Variants in ADGRE5 observed in about 807,000 individuals in gnomAD.
The protein encoded by ADGRE5 is adhesion G protein-coupled receptor E5.
Under a neutral mutation model 100.3 loss-of-function variants are expected in ADGRE5, and 72 were observed. That is an observed-to-expected ratio of 0.72 (90% CI 0.59 to 0.87). The LOEUF is 0.87. ADGRE5 is among the 40% of genes least tolerant of loss of function. The probability of loss-of-function intolerance (pLI) is 0.00; values close to 1 mark genes in which losing one functional copy is unlikely to be tolerated. For missense variants in ADGRE5, 959 were observed against 1,094.7 expected (o/e 0.88, Z 1.75); for synonymous variants, 439 against 447.8 (o/e 0.98, Z 0.25).
rs1427515608 is a variant in ADGRE5 at position 14,406,351 on chromosome 19, G to A, written c.1842G>A (p.Leu614=). The A allele has an allele frequency of 6.3e-7, 1 of 1,575,024 alleles. No individual in the cohort carries two copies. ...EGGQVGLRCR[L]VAGLLHYCFL... is the part of the protein sequence containing the mutation. The stretch of plus-strand genomic sequence containing the variant: ...CGCAGGTGGGGCTGCGCTGCCGCCT[G>A]GTGGCCGGGCTGCTGCACTACTGTT... Residue 614 remains leucine, a synonymous_variant, in exon 15 of 20, where the codon CTG becomes CTA. Coordinates refer to ENST00000242786, the MANE Select transcript of ADGRE5 (RefSeq NM_078481.4). The surrounding 1 kb of genome is among the most constrained non-coding windows in gnomAD (Gnocchi z 6.0).
rs764605166 is a variant in ADGRE5, at chr19:14,399,563, C to CAAAAAA, written c.897+1450_897+1455dup. ...TGGGCGACAGAGCGAGACTCCGTCTCAAAAAAAAAAAAAAAAAAAAAAAAA... is the reference window on the plus strand; with the variant it reads ...TGGGCGACAGAGCGAGACTCCGTCTCAAAAAAAAAAAAAAAAAAAAAAAAAAAAAAA... On this transcript the variant is annotated intron_variant, in intron 9 of 19. Coordinates refer to ENST00000242786, the MANE Select transcript of ADGRE5 (RefSeq NM_078481.4). Among the ~76,000 whole-genome samples the CAAAAAA allele has an allele frequency of 7.5e-4, 24 of 31,852 alleles. 1 individual carries two copies. Among genetic ancestry groups the CAAAAAA allele is most frequent in the African/African-American group, 1.2e-3 (12 of 10,194 alleles). The allele number at this position is 31,852 out of a possible 152,430, so 20.9% of individuals were successfully genotyped here. A position where few individuals can be genotyped will look rare whatever the true frequency, so the allele number is the denominator to read the frequency against.
intron 18 of ADGRE5, 144 bp downstream of exon 18, chr19:14,407,373 T>C (rs1254111378): frequency 1.6e-5 from 15 of 948,426 alleles, no homozygotes; most frequent in Middle Eastern, 3.3e-4. Context: ...AATTCAAAGA[T>C]AGCCAGGGTG....
chr19:14,391,324 G>A, intron 4 of ADGRE5: 1 of 555,824 alleles, frequency 1.8e-6, no homozygotes, highest in Non-Finnish European at 3.2e-6. Flanking sequence ...ACGTTGGCCA[G>A]GATACTTATT....
chr19:14,399,734 T>C (rs1211046194), intron 9 of ADGRE5, among the ~76,000 whole-genome samples: 1 of 144,210 alleles, frequency 6.9e-6, no homozygotes, highest in Non-Finnish European at 1.5e-5. Context: ...AAGAGTAAGA[T>C]TTTGTCTTAA....
intron 1 of ADGRE5, 33 bp from the exon 2 acceptor site, chr19:14,388,417 C>G: frequency 6.6e-7 from 1 of 1,503,992 alleles, no homozygotes; most frequent in African/African-American, 1.4e-5. Context: ...ACCCTGGGAT[C>G]CCCTCTGACC....
chr19:14,393,187 C>T (rs771743707), intron 4 of ADGRE5, among the ~76,000 whole-genome samples: 2 of 141,386 alleles, frequency 1.4e-5, no homozygotes, highest in Admixed American at 7.3e-5. Flanking sequence ...GGCAACAGAG[C>T]GAGACTCCAT....
chr19:14,400,443 C>T (rs554775830), intron 9 of ADGRE5, among the ~76,000 whole-genome samples: 53 of 152,216 alleles, frequency 3.5e-4, no homozygotes, highest in South Asian at 1.7e-3. Flanking sequence ...CGTGCACCAC[C>T]GTGCCTGTTG....
intron 11 of ADGRE5, among the ~76,000 whole-genome samples, chr19:14,402,194 G>A (rs1251145346): frequency 6.6e-6 from 1 of 151,628 alleles, no homozygotes; most frequent in Non-Finnish European, 1.5e-5. Flanking sequence ...TAGCACTTTG[G>A]CAGGCTGAGG....
chr19:14,382,392 A>C (rs2063924283), intron 1 of ADGRE5, among the ~76,000 whole-genome samples: 1 of 152,156 alleles, frequency 6.6e-6, no homozygotes. Flanking sequence ...TGGCTTCCCA[A>C]GGGTTCCACG....
At chr19:14,385,550 A>T (rs1336142653) in intron 1 of ADGRE5, among the ~76,000 whole-genome samples, 1 of 151,556 alleles carries the variant, frequency 6.6e-6, no homozygotes. Context: ...GGGAGGGGGA[A>T]CCCCCTGAGT....
Position 14,396,459 on chromosome 19 carries a change from C to T in ADGRE5, c.464C>T (p.Pro155Leu), listed in dbSNP as rs370160434. The T allele has an allele frequency of 8.5e-5, 138 of 1,614,154 alleles. No individual in the cohort carries two copies. Among genetic ancestry groups the T allele is most frequent in the Middle Eastern group, 3.3e-4 (2 of 6,084 alleles). Residue 155 changes from proline to leucine, a missense_variant, in exon 5 of 20, where the codon CCG becomes CTG. By Grantham distance (98) the Pro-to-Leu change is moderately conservative. Coordinates refer to ENST00000242786, the MANE Select transcript of ADGRE5 (RefSeq NM_078481.4). ...LPGFKFIPEDPKVCTDVNECT... is the reference protein window; with the variant it reads ...LPGFKFIPEDLKVCTDVNECT... The stretch of plus-strand genomic sequence containing the variant: ...GGCTTCAAGTTCATACCTGAGGATC[C>T]GAAGGTCTGCACAGGTAGAGGCCCC...
At chr19:14,388,040 C>A (rs1253708068) in intron 1 of ADGRE5, among the ~76,000 whole-genome samples, 1 of 151,900 alleles carries the variant, frequency 6.6e-6, no homozygotes, top group South Asian at 2.1e-4. Context: ...CACAGCATTG[C>A]ACTTCAGCCT....
intron 12 of ADGRE5, among the ~76,000 whole-genome samples, chr19:14,403,864 C>CTTTTT (rs58411522): frequency 1.1e-4 from 8 of 74,298 alleles, no homozygotes; most frequent in Non-Finnish European, 1.8e-4. Flanking sequence ...GCCTCTCCCA[C>CTTTTT]TTTTTTTTTT....
intron 9 of ADGRE5, among the ~76,000 whole-genome samples, chr19:14,399,268 T>C (rs1185033559): frequency 6.6e-6 from 1 of 151,312 alleles, no homozygotes; most frequent in Admixed American, 6.6e-5. Flanking sequence ...AAGCCTTATA[T>C]AAAAGCTTTC....
chr19:14,384,894 T>C (rs915682261), intron 1 of ADGRE5, among the ~76,000 whole-genome samples: 4 of 151,320 alleles, frequency 2.6e-5, no homozygotes, highest in African/African-American at 9.7e-5. Context: ...TCCCTCTCTC[T>C]CTCCAGCTTG....
intron 1 of ADGRE5, among the ~76,000 whole-genome samples, chr19:14,382,573 A>C (rs1291839715): frequency 6.6e-6 from 1 of 152,144 alleles, no homozygotes; most frequent in African/African-American, 2.4e-5. Context: ...CAGCATTTTA[A>C]AAGTGTTGGC....
At position 14,388,772 on chromosome 19, in the gene ADGRE5, C is replaced by A. The variant is rs1423350506; in HGVS notation, c.144C>A (p.Phe48Leu). The change falls in exon 3 of 20, where the codon TTC (phenylalanine) becomes TTA (leucine). Residue 48 changes from phenylalanine to leucine, a missense_variant. Physicochemically the swap from Phe to Leu is conservative, Grantham distance 22. This residue lies in a region of ADGRE5 where 114 missense variants were observed against 195.7 expected (regional missense o/e 0.58). Coordinates refer to ENST00000242786, the MANE Select transcript of ADGRE5 (RefSeq NM_078481.4). ...NATACRCNPG[F>L]SSFSEIITTP... ...CCGCCTGTCGCTGCAATCCAGGGTTCAGCTCTTTTTCTGAGATCATCACCA... is the reference window on the plus strand; with the variant it reads ...CCGCCTGTCGCTGCAATCCAGGGTTAAGCTCTTTTTCTGAGATCATCACCA... 6.2e-7 allele frequency: 1 copy of A among 1,613,942 alleles called. No individual in the cohort carries two copies. Among genetic ancestry groups the A allele is most frequent in the Admixed American group, 1.7e-5 (1 of 59,990 alleles).
In ADGRE5 at chr19:14,381,474, C is replaced by T. The variant is rs374718424; in HGVS notation, c.-50C>T. Reference sequence around the variant, plus strand: ...TGCCTAGCCTGTGGAGACGGGACAGCCCTGTCCCACTCACTCTTTCCCCTG... The same window carrying T: ...TGCCTAGCCTGTGGAGACGGGACAGTCCTGTCCCACTCACTCTTTCCCCTG... On this transcript the variant is annotated 5_prime_UTR_variant, in exon 1 of 20. Coordinates refer to ENST00000242786, the MANE Select transcript of ADGRE5 (RefSeq NM_078481.4). The T allele has an allele frequency of 6.2e-6, 10 of 1,609,524 alleles. No individual in the cohort carries two copies. In the African/African-American group the frequency reaches 1.2e-4, roughly 20 times the overall value.
At position 14,407,084 on chromosome 19, in the gene ADGRE5, C is replaced by T. The variant is rs146927412; in HGVS notation, c.2231C>T (p.Ala744Val). The T allele has an allele frequency of 6.2e-6, 10 of 1,614,146 alleles. No homozygotes were observed. Among genetic ancestry groups the T allele is most frequent in the Non-Finnish European group, 8.5e-6 (10 of 1,180,038 alleles). ...AGGGCGCTGACCATCACGGCCATCGCGCAGCTCTTCCTGTTGGGCTGCACC... is the reference window on the plus strand; with the variant it reads ...AGGGCGCTGACCATCACGGCCATCGTGCAGCTCTTCCTGTTGGGCTGCACC... Reference protein sequence around the residue: ...KARALTITAIAQLFLLGCTWV... With the variant: ...KARALTITAIVQLFLLGCTWV... The change falls in exon 18 of 20, where the codon GCG (alanine) becomes GTG (valine). Residue 744 changes from alanine (A) to valine (V), a missense_variant. Coordinates refer to ENST00000242786, the MANE Select transcript of ADGRE5 (RefSeq NM_078481.4).
Sources: allele counts gnomAD v4.1 joint callset (sites outside exome capture counted in the v4.1 genomes callset), GRCh38; gene constraint gnomAD v4.1.1; regional missense constraint gnomAD v4.1.1; non-coding constraint Gnocchi (gnomAD v3.1); transcripts MANE v1.5; gene names NCBI Gene and HGNC (gene_info 2026-07-23, HGNC 2026-07-21).